PREPL: variants seen among roughly 807,000 people sequenced by gnomAD.
PREPL encodes prolyl endopeptidase-like.
A neutral mutation model predicts 70.6 loss-of-function variants in PREPL; 77 were observed. The ratio of observed to expected loss-of-function variants is 1.09; its 90% CI spans 0.91 to 1.32. The LOEUF is 1.32. Ranked by LOEUF, PREPL falls within the 40% of genes most tolerant of loss-of-function variation. PREPL has a pLI of 0.00. For missense variants in PREPL, 1,002 were observed against 778.2 expected (o/e 1.29, Z -3.42); for synonymous variants, 315 against 264.8 (o/e 1.19, Z -1.84).
chr2:44,326,383 CT>C (rs554397665), intron 10 of PREPL, among the ~76,000 whole-genome samples: 4,731 of 128,162 alleles, frequency 0.037, 174 homozygotes, highest in African/African-American at 0.13. Flanking sequence ...TTTTTCTTTC[CT>C]TTTTTTTTTT....
intron 1 of PREPL, among the ~76,000 whole-genome samples, chr2:44,351,911 T>C (rs1472302236): frequency 1.3e-5 from 2 of 152,186 alleles, no homozygotes; most frequent in Non-Finnish European, 2.9e-5. Context: ...AAAGCAAAAA[T>C]TCTTACAATG....
chr2:44,324,819 C>T (rs978036831), intron 10 of PREPL, among the ~76,000 whole-genome samples: 70 of 152,020 alleles, frequency 4.6e-4, no homozygotes, highest in African/African-American at 1.6e-3. Flanking sequence ...CCCCAGAGGT[C>T]GAGGCTGTAG....
At chr2:44,356,984 T>C (rs1039681102) in intron 1 of PREPL, among the ~76,000 whole-genome samples, 4 of 152,206 alleles carry the variant, frequency 2.6e-5, no homozygotes. Context: ...TTTAGTCTTT[T>C]TGGTAGAGTT....
At chr2:44,345,092 G>C (rs1675647000) in intron 2 of PREPL, among the ~76,000 whole-genome samples, 1 of 152,166 alleles carries the variant, frequency 6.6e-6, no homozygotes, top group South Asian at 2.1e-4. Flanking sequence ...TATTTCACCT[G>C]CTGTAGGGTG....
chr2:44,328,268 C>CAAAAA (rs1202363557), intron 9 of PREPL, among the ~76,000 whole-genome samples: 12 of 102,834 alleles, frequency 1.2e-4, no homozygotes, highest in Non-Finnish European at 1.3e-4. Flanking sequence ...GATTCTATCT[C>CAAAAA]AAAAAAAAAA....
intron 5 of PREPL, among the ~76,000 whole-genome samples, chr2:44,340,634 A>G (rs1201127086): frequency 6.6e-6 from 1 of 152,292 alleles, no homozygotes; most frequent in East Asian, 1.9e-4. Context: ...CTCTTTAAAA[A>G]TTAAGAATAT....
chr2:44,337,468 C>A (rs1461503984), intron 7 of PREPL, among the ~76,000 whole-genome samples: 4 of 152,114 alleles, frequency 2.6e-5, no homozygotes, highest in African/African-American at 9.7e-5. Context: ...ATGCCCGATA[C>A]AGTATTGTGC....
At chr2:44,323,240 T>G (rs1488398260) in intron 11 of PREPL, 22 bp downstream of exon 11, 2 of 1,565,826 alleles carry the variant, frequency 1.3e-6, no homozygotes, top group Non-Finnish European at 1.7e-6. Flanking sequence ...CAGGATAATC[T>G]AACACAATTG....
rs112581238 is a variant in PREPL at position 44,344,436 on chromosome 2, C to T, written c.142+84G>A. The T allele has an allele frequency of 8.4e-4, 857 of 1,020,610 alleles. 3 individuals carry two copies. Among genetic ancestry groups the T allele is most frequent in the Middle Eastern group, 7.0e-3 (24 of 3,418 alleles). The allele number at this position is 1,020,610 out of a possible 1,614,324, so 63.2% of individuals were successfully genotyped here. ...AATAATCTTTAAAAAAATCTTTTCT[C>T]TATCTTTGAGAAATTAATAAATTTC... On this transcript the variant is annotated intron_variant, in intron 3 of 13. Transcript: ENST00000409411.
At chr2:44,329,959 C>A (rs1437862121) in intron 8 of PREPL, among the ~76,000 whole-genome samples, 3 of 152,130 alleles carry the variant, frequency 2.0e-5, no homozygotes, top group Non-Finnish European at 4.4e-5. Context: ...ACATCCAAGT[C>A]ACTCTTCATA....
At chr2:44,347,956 A>AT (rs1676004268) in intron 1 of PREPL, among the ~76,000 whole-genome samples, 1 of 152,190 alleles carries the variant, frequency 6.6e-6, no homozygotes, top group East Asian at 1.9e-4. Flanking sequence ...TTCCTTTTAG[A>AT]TTTTTTTGGG....
chr2:44,334,126 T>C (rs1352040493), intron 7 of PREPL, among the ~76,000 whole-genome samples: 1 of 152,220 alleles, frequency 6.6e-6, no homozygotes, highest in African/African-American at 2.4e-5. Context: ...CTAATGCAGA[T>C]ATAAGTATTA....
At chr2:44,351,357 C>A (rs1387074681) in intron 1 of PREPL, among the ~76,000 whole-genome samples, 1 of 152,106 alleles carries the variant, frequency 6.6e-6, no homozygotes, top group Non-Finnish European at 1.5e-5. Flanking sequence ...CATTTATATG[C>A]TAAGGACTCC....
chr2:44,321,576 CGAGA>C (rs1460576600), intron 13 of PREPL, 131 bp from the exon 14 acceptor site: 1 of 1,494,856 alleles, frequency 6.7e-7, no homozygotes, highest in African/African-American at 1.4e-5. Flanking sequence ...TACTTTCATT[CGAGA>C]GAGAGGCAGA....
intron 3 of PREPL, 104 bp downstream of exon 3, chr2:44,344,416 T>A: frequency 2.2e-6 from 2 of 912,182 alleles, no homozygotes; most frequent in Non-Finnish European, 3.2e-6. Context: ...TCAGAAATAA[T>A]CTTTAAAAAA....
At position 44,344,586 on chromosome 2, in the gene PREPL, C is replaced by A. The variant is rs1241633455; in HGVS notation, c.76G>T (p.Val26Phe). ...TAATAAACAAAACCACCATGTTTAA[C>A]CTGACAAAAGAAACATGCAGTTTAC... Reference protein sequence around the residue: ...QEEYEIINVEVKHGGFVYYQE... With the variant: ...QEEYEIINVEFKHGGFVYYQE... The change falls in exon 3 of 14, where the codon GTT (valine) becomes TTT (phenylalanine). Residue 26 changes from valine to phenylalanine, a missense_variant and splice_region_variant. Coordinates refer to ENST00000409411, the MANE Select transcript of PREPL (RefSeq NM_001171613.2). 2 of 1,596,136 alleles carry A rather than the reference C, an allele frequency of 1.3e-6. No homozygotes were observed. Among genetic ancestry groups the A allele is most frequent in the South Asian group, 1.2e-5 (1 of 86,374 alleles).
Position 44,342,593 on chromosome 2 carries a change from A to G in PREPL, c.350-41T>C, listed in dbSNP as rs768817067. The G allele has an allele frequency of 1.4e-5, 17 of 1,242,100 alleles. No homozygotes were observed. In the South Asian group the frequency reaches 2.4e-4, roughly 18 times the overall value. 76.9% of individuals were successfully genotyped at this position (1,242,100 alleles called of 1,614,324 possible). A position where few individuals can be genotyped will look rare whatever the true frequency, so the allele number is the denominator to read the frequency against. On this transcript the variant is annotated intron_variant, in intron 4 of 13. Coordinates refer to ENST00000409411, the MANE Select transcript of PREPL (RefSeq NM_001171613.2). ...GAGATAATTATACATAATCACCTAC[A>G]CTCCATTAAAAAAAAAAAAAAAGCA...
Position 44,339,284 on chromosome 2 carries a change from A to G in PREPL, c.565T>C (p.Trp189Arg), listed in dbSNP as rs1476698884. The change falls in exon 6 of 14, where the codon TGG becomes CGG. Residue 189 changes from tryptophan to arginine, a missense_variant. Trp to Arg is a moderately radical substitution (Grantham distance 101). Coordinates refer to ENST00000409411, the MANE Select transcript of PREPL (RefSeq NM_001171613.2). ...NIMNKTTSEV[W>R]LIDGLSPWDP... ...CAAGGGCTCAGGCCATCTATCAACC[A>G]CACTTCAGAAGTAGTCTTGTTCATA... 2 of 1,614,100 alleles carry G rather than the reference A, an allele frequency of 1.2e-6. No individual in the cohort carries two copies. Among genetic ancestry groups the G allele is most frequent in the Non-Finnish European group, 1.7e-6 (2 of 1,180,018 alleles).
intron 1 of PREPL, among the ~76,000 whole-genome samples, chr2:44,359,032 A>G (rs897692373): frequency 1.0e-4 from 15 of 148,754 alleles, no homozygotes; most frequent in Non-Finnish European, 1.9e-4. Context: ...ACATTTTTAT[A>G]TATTACATTA....
Sources: allele counts gnomAD v4.1 joint callset (sites outside exome capture counted in the v4.1 genomes callset), GRCh38; gene constraint gnomAD v4.1.1; transcripts MANE v1.5; gene names NCBI Gene and HGNC (gene_info 2026-07-23, HGNC 2026-07-21).